The following MAPK10 variants were observed in gnomAD, a reference collection of about 807,000 sequenced individuals.
MAPK10 encodes mitogen-activated protein kinase 10.
In MAPK10, 25 loss-of-function variants were observed where a neutral mutation model predicts 59.3. That is an observed-to-expected ratio of 0.42 (90% CI 0.31 to 0.59). The LOEUF is 0.59. Among genes scored for constraint, MAPK10 ranks in the 20% least tolerant of loss-of-function variants. The pLI is 0.15. For missense variants in MAPK10, 351 were observed against 568.9 expected, an observed-to-expected ratio of 0.62 and a Z score of 3.90; for synonymous variants, 190 against 200.5, an observed-to-expected ratio of 0.95 and a Z score of 0.44.
Position 86,365,431 on chromosome 4 carries a change from CAAAAAAAAAAAAAAAAAA to C in MAPK10, c.-121-10805_-121-10788del, listed in dbSNP as rs70948789. Among the ~76,000 whole-genome samples, 235 of 32,452 alleles carry C rather than the reference CAAAAAAAAAAAAAAAAAA, an allele frequency of 7.2e-3. 2 individuals are homozygous for C. Among genetic ancestry groups the C allele is most frequent in the Admixed American group, 8.1e-3 (14 of 1,720 alleles). The allele number at this position is 32,452 out of a possible 152,430, so 21.3% of individuals were successfully genotyped here. On this transcript the variant is annotated intron_variant, in intron 1 of 13. Transcript: ENST00000361569. ...TGGGCAACAGGGTGAGACTCTGTCT[CAAAAAAAAAAAAAAAAAA>C]AAAAAAAAAAAAAAAAAAATTCTCA... is the stretch of plus-strand genomic sequence containing the variant.
At chr4:86,424,709 G>T (rs922877953) in intron 1 of MAPK10, among the ~76,000 whole-genome samples, 2 of 152,094 alleles carry the variant, frequency 1.3e-5, no homozygotes, top group African/African-American at 4.8e-5. Context: ...GCATGATCAT[G>T]AGGGTAGCAT....
intron 1 of MAPK10, among the ~76,000 whole-genome samples, chr4:86,482,880 C>G (rs1037383766): frequency 1.4e-4 from 22 of 152,136 alleles, no homozygotes; most frequent in Admixed American, 1.0e-3. Flanking sequence ...TCCATTCTGG[C>G]TCACCTAATT....
chr4:86,489,407 C>T (rs1490713606), intron 1 of MAPK10, among the ~76,000 whole-genome samples: 2 of 152,144 alleles, frequency 1.3e-5, no homozygotes, highest in Non-Finnish European at 2.9e-5. Context: ...CTTTTCTCCA[C>T]CATCAAAACT....
At chr4:86,169,354 C>A (rs957131127) in intron 3 of MAPK10, among the ~76,000 whole-genome samples, 2 of 152,058 alleles carry the variant, frequency 1.3e-5, no homozygotes, top group African/African-American at 4.8e-5. Flanking sequence ...ATAACCAATA[C>A]AGAGAAGTGC....
At chr4:86,169,314 G>GA (rs1173959152) in intron 3 of MAPK10, among the ~76,000 whole-genome samples, 1 of 152,048 alleles carries the variant, frequency 6.6e-6, no homozygotes, top group East Asian at 1.9e-4. Context: ...TAAAACCTTT[G>GA]AAAAAAATTT....
chr4:86,495,867 G>C (rs934592505), intron 1 of MAPK10, among the ~76,000 whole-genome samples: 3 of 152,024 alleles, frequency 2.0e-5, no homozygotes, highest in African/African-American at 7.2e-5. Flanking sequence ...GCTAAATCTA[G>C]AGTCATCATC....
intron 1 of MAPK10, among the ~76,000 whole-genome samples, chr4:86,549,893 G>A (rs1338696617): frequency 1.3e-5 from 2 of 152,136 alleles, no homozygotes; most frequent in Non-Finnish European, 2.9e-5. Context: ...GAAAGGAGAG[G>A]AGAGGAGAAA....
intron 1 of MAPK10, among the ~76,000 whole-genome samples, chr4:86,460,648 A>G (rs1751650019): frequency 6.6e-6 from 1 of 152,248 alleles, no homozygotes; most frequent in African/African-American, 2.4e-5. Context: ...CTGTCAGTTT[A>G]CAGAATAAGG....
intron 2 of MAPK10, among the ~76,000 whole-genome samples, chr4:86,244,827 T>C (rs1276500593): frequency 6.6e-6 from 1 of 152,236 alleles, no homozygotes; most frequent in Non-Finnish European, 1.5e-5. Context: ...TTTTTTATTT[T>C]GAATTGCATC....
intron 1 of MAPK10, among the ~76,000 whole-genome samples, chr4:86,433,546 G>A (rs185048145): frequency 3.5e-4 from 53 of 150,360 alleles, no homozygotes; most frequent in Non-Finnish European, 5.8e-4. Context: ...TCACAGTCTG[G>A]GCCTTCTTCT....
chr4:86,250,949 T>A (rs189306683), intron 2 of MAPK10, among the ~76,000 whole-genome samples: 91 of 152,246 alleles, frequency 6.0e-4, no homozygotes, highest in African/African-American at 2.1e-3. Flanking sequence ...ATCATGCAGT[T>A]AAAGTGTTGC....
At chr4:86,068,245 A>G (rs1440316738) in intron 9 of MAPK10, among the ~76,000 whole-genome samples, 2 of 152,212 alleles carry the variant, frequency 1.3e-5, no homozygotes, top group African/African-American at 2.4e-5. Context: ...AGATAACACA[A>G]GATGAATCTC....
At chr4:86,032,569 T>C (rs2039296967) in intron 11 of MAPK10, 1 of 152,150 alleles carries the variant, frequency 6.6e-6, no homozygotes, top group Non-Finnish European at 1.5e-5. Context: ...ATGGCTATTA[T>C]AGTAAGGAAA....
intron 2 of MAPK10, among the ~76,000 whole-genome samples, chr4:86,214,937 A>T (rs1427555494): frequency 6.6e-6 from 1 of 152,166 alleles, no homozygotes; most frequent in African/African-American, 2.4e-5. Flanking sequence ...TGAAGTCTCA[A>T]GGAGACTTAA....
At chr4:86,219,655 T>C (rs754385996) in intron 2 of MAPK10, 69 of 152,072 alleles carry the variant, frequency 4.5e-4, no homozygotes, top group Non-Finnish European at 1.5e-4. Flanking sequence ...CCTCTTAGAG[T>C]AAGGTCATTT....
intron 2 of MAPK10, among the ~76,000 whole-genome samples, chr4:86,281,714 C>T (rs915589322): frequency 2.0e-4 from 31 of 152,054 alleles, no homozygotes; most frequent in African/African-American, 6.7e-4. Flanking sequence ...AGCACATAGT[C>T]TTTCAAGGAA....
intron 1 of MAPK10, among the ~76,000 whole-genome samples, chr4:86,414,381 G>A (rs767108526): frequency 2.0e-5 from 3 of 152,132 alleles, no homozygotes; most frequent in Non-Finnish European, 4.4e-5. Flanking sequence ...TGGGGCACGT[G>A]TGATCTAGTC....
chr4:86,120,332 G>A (rs1449325922), intron 4 of MAPK10: 6 of 152,180 alleles, frequency 3.9e-5, no homozygotes, highest in Non-Finnish European at 7.3e-5. Context: ...CCTCAAAGAC[G>A]TATCAAAAGC....
At chr4:86,181,000 T>C (rs116059834) in intron 3 of MAPK10, among the ~76,000 whole-genome samples, 12,892 of 152,066 alleles carry the variant, frequency 0.085, 1,215 homozygotes, top group African/African-American at 0.23. Context: ...TTGAATGTTC[T>C]CAAAACAAAG....
Sources: gnomAD v4.1 joint callset for allele counts (sites outside exome capture counted in the v4.1 genomes callset) on GRCh38, gnomAD v4.1.1 for gene constraint, MANE v1.5 for transcripts, NCBI Gene and HGNC (gene_info 2026-07-23, HGNC 2026-07-21) for gene names.